The following CCDC141 variants were observed in gnomAD, a reference collection of about 807,000 sequenced individuals.
The protein encoded by CCDC141 is coiled-coil domain containing 141.
A neutral mutation model predicts 181.0 loss-of-function variants in CCDC141; 168 were observed. The ratio of observed to expected loss-of-function variants is 0.93; its 90% CI spans 0.82 to 1.05. CCDC141 has a LOEUF of 1.05. Among genes scored for constraint, CCDC141 ranks in the 50% least tolerant of loss-of-function variants. CCDC141 has a pLI of 0.00. For missense variants in CCDC141, 1,902 were observed against 1,788.5 expected (o/e 1.06, Z -1.14); for synonymous variants, 666 against 642.3 (o/e 1.04, Z -0.56).
intron 22 of CCDC141, among the ~76,000 whole-genome samples, chr2:178,838,624 T>C (rs1684590836): frequency 1.3e-5 from 2 of 152,338 alleles, no homozygotes; most frequent in Admixed American, 1.3e-4. Context: ...ATTTGGTGAA[T>C]ACAAGTAGAT....
chr2:178,984,759 G>A (rs1011579085), intron 2 of CCDC141, among the ~76,000 whole-genome samples: 1 of 151,524 alleles, frequency 6.6e-6, no homozygotes, highest in South Asian at 2.1e-4. Context: ...TCAACAAGAA[G>A]AGCTAACTAT....
downstream of CCDC141, among the ~76,000 whole-genome samples, chr2:178,826,282 C>T (rs373077339): frequency 1.4e-4 from 21 of 152,288 alleles, no homozygotes; most frequent in East Asian, 9.6e-4. Flanking sequence ...ACAAATCCCA[C>T]GTCTTGTGTG....
chr2:178,853,178 G>A (rs1685237122), intron 20 of CCDC141, among the ~76,000 whole-genome samples: 1 of 152,182 alleles, frequency 6.6e-6, no homozygotes, highest in Admixed American at 6.5e-5. Context: ...ATGAACAACA[G>A]GGATGGAGGA....
At chr2:178,957,776 G>C (rs1330101340) in intron 5 of CCDC141, among the ~76,000 whole-genome samples, 1 of 152,070 alleles carries the variant, frequency 6.6e-6, no homozygotes, top group Non-Finnish European at 1.5e-5. Flanking sequence ...ACCCAGACTG[G>C]AGTGTAGTGG....
At position 178,837,214 on chromosome 2, in the gene CCDC141, G is replaced by T; in HGVS notation, c.4005C>A (p.His1335Gln). The T allele has an allele frequency of 1.9e-6, 3 of 1,613,994 alleles. No homozygotes were observed. Reference sequence around the variant, plus strand: ...CTAGCAAACCACCCTGAGCCTGAGGGTGCTGCTGTAAAGCTCTCTCATGCA... The same window carrying T: ...CTAGCAAACCACCCTGAGCCTGAGGTTGCTGCTGTAAAGCTCTCTCATGCA... ...SEVHERALQQ[H>Q]PQAQGGLLET... Residue 1335 changes from histidine (H) to glutamine (Q), a missense_variant, in exon 23 of 24, where the codon CAC becomes CAA. His to Gln is a conservative substitution (Grantham distance 24, BLOSUM62 0). Transcript: ENST00000443758.
chr2:178,915,224 G>A (rs1688392063), intron 7 of CCDC141, among the ~76,000 whole-genome samples: 1 of 151,908 alleles, frequency 6.6e-6, no homozygotes, highest in South Asian at 2.1e-4. Context: ...GGGGAAGAGG[G>A]ACTCCTCAAT....
At chr2:179,032,364 G>T (rs1186584145) in intron 2 of CCDC141, among the ~76,000 whole-genome samples, 1 of 152,184 alleles carries the variant, frequency 6.6e-6, no homozygotes. Flanking sequence ...TGGGGATGGG[G>T]GTGGTGGTGG....
At chr2:178,834,904 T>A (rs951807411) in intron 23 of CCDC141, among the ~76,000 whole-genome samples, 1 of 151,624 alleles carries the variant, frequency 6.6e-6, no homozygotes, top group African/African-American at 2.4e-5. Flanking sequence ...GCGAGAGAAT[T>A]GCTTTGACTG....
chr2:179,037,630 A>G (rs1159910877), intron 2 of CCDC141, among the ~76,000 whole-genome samples: 1 of 152,248 alleles, frequency 6.6e-6, no homozygotes, highest in African/African-American at 2.4e-5. Flanking sequence ...AAATATAAAA[A>G]GAACTTCTAC....
At chr2:179,045,351 T>C (rs1224628414) in intron 2 of CCDC141, among the ~76,000 whole-genome samples, 1 of 143,818 alleles carries the variant, frequency 7.0e-6, no homozygotes, top group Non-Finnish European at 1.5e-5. Flanking sequence ...CTCATCATTT[T>C]TTATGGCTGC....
rs180869011 is a variant in CCDC141 at position 179,046,812 on chromosome 2, T to C, written c.225+472A>G. On this transcript the variant is annotated intron_variant, in intron 2 of 23. Coordinates refer to ENST00000443758, the MANE Select transcript of CCDC141 (RefSeq NM_173648.4). ...CTCAACATATATAAAATAGTATGTC[T>C]GGTTTTACCAGAAGTATTATTTGGT... 1.7e-3 allele frequency among the ~76,000 whole-genome samples: 256 copies of C among 152,356 alleles called. 1 individual carries two copies. The highest frequency in any genetic ancestry group is 5.8e-3 in the African/African-American group (243 of 41,580).
At position 178,865,844 on chromosome 2, in the gene CCDC141, G is replaced by T. The variant is rs186074315; in HGVS notation, c.2647C>A (p.Arg883Ser). Reference protein sequence around the residue: ...ELLEEDSMKWRAKAEEYGRTL... With the variant: ...ELLEEDSMKWSAKAEEYGRTL... ...CGTCCATACTCCTCAGCTTTGGCAC[G>T]CCACTTCATGCTGTCCTCCTCAAGG... is the stretch of plus-strand genomic sequence containing the variant. The change falls in exon 17 of 24, where the codon CGT becomes AGT. Residue 883 changes from arginine to serine, a missense_variant. Transcript: ENST00000443758. 43 of 1,606,406 alleles carry T rather than the reference G, an allele frequency of 2.7e-5. No individual in the cohort carries two copies. The African/African-American group carries it at 5.2e-4, about 20-fold the overall frequency.
chr2:178,947,102 C>A (rs1392460647), intron 5 of CCDC141, among the ~76,000 whole-genome samples: 1 of 152,174 alleles, frequency 6.6e-6, no homozygotes, highest in East Asian at 1.9e-4. Context: ...TCTCAGAGTC[C>A]TTCTGATGAC....
intron 12 of CCDC141, chr2:178,877,322 T>C (rs1292770555): frequency 1.3e-5 from 2 of 152,186 alleles, no homozygotes; most frequent in African/African-American, 4.8e-5. Context: ...GAAACAGATA[T>C]ATTTAACATT....
Position 178,978,565 on chromosome 2 carries a change from T to A in CCDC141, c.336A>T (p.Ala112=). 6.5e-7 allele frequency: 1 copy of A among 1,550,084 alleles called. No homozygotes were observed. Among genetic ancestry groups the A allele is most frequent in the Non-Finnish European group, 8.7e-7 (1 of 1,146,762 alleles). ...YDAMAETLGE[A]WAALVSMLER... ...CAAGCATGGACACCAGAGCTGCCCA[T>A]GCTTCACCCAGAGTCTCGGCCATGG... The change falls in exon 3 of 24, where the codon GCA becomes GCT. Residue 112 remains alanine (A), a synonymous_variant. Transcript: ENST00000443758.
At chr2:179,018,806 C>G (rs1454089394) in intron 2 of CCDC141, among the ~76,000 whole-genome samples, 1 of 152,050 alleles carries the variant, frequency 6.6e-6, no homozygotes, top group Middle Eastern at 3.2e-3. Context: ...CATTTTTGTA[C>G]TTATTGGACA....
At chr2:178,853,314 A>T in intron 20 of CCDC141, 127 bp downstream of exon 20, 1 of 783,222 alleles carries the variant, frequency 1.3e-6, no homozygotes, top group Non-Finnish European at 2.0e-6. Flanking sequence ...TACCTTGAAC[A>T]TTTTCCCTGA....
chr2:179,039,278 A>C (rs964089100), intron 2 of CCDC141, among the ~76,000 whole-genome samples: 1 of 152,188 alleles, frequency 6.6e-6, no homozygotes, highest in Non-Finnish European at 1.5e-5. Context: ...CCTTATAAAA[A>C]TTCTCAGTTT....
chr2:179,019,180 T>G (rs911650924), intron 2 of CCDC141, among the ~76,000 whole-genome samples: 2 of 152,152 alleles, frequency 1.3e-5, no homozygotes, highest in African/African-American at 4.8e-5. Flanking sequence ...GTCTTTTTGG[T>G]TCCCAACATT....
Sources: gnomAD v4.1 joint callset for allele counts (sites outside exome capture counted in the v4.1 genomes callset) on GRCh38, gnomAD v4.1.1 for gene constraint, MANE v1.5 for transcripts, NCBI Gene and HGNC (gene_info 2026-07-23, HGNC 2026-07-21) for gene names.